Variants in PLAAT1 observed in about 807,000 individuals in gnomAD.
PLAAT1 encodes the protein phospholipase A and acyltransferase 1, also known as H-REV107 protein-related protein.
Under a neutral mutation model 16.4 loss-of-function variants are expected in PLAAT1, and 13 were observed. The observed-to-expected ratio is 0.79, with a 90% CI of 0.52 to 1.26. The LOEUF (loss-of-function observed/expected upper bound fraction) is 1.26. Ranked by LOEUF, PLAAT1 falls within the 50% of genes most tolerant of loss-of-function variation. The pLI is 0.00. For missense variants in PLAAT1, 218 were observed against 207.8 expected, an observed-to-expected ratio of 1.05 and a Z score of -0.30; for synonymous variants, 73 against 78.4, an observed-to-expected ratio of 0.93 and a Z score of 0.36.
chr3:193,243,425 A>C (rs565927967), intron 1 of PLAAT1, among the ~76,000 whole-genome samples: 1 of 152,344 alleles, frequency 6.6e-6, no homozygotes, highest in East Asian at 1.9e-4. Flanking sequence ...AAACTCCGCA[A>C]CTGGAAAGGT....
At chr3:193,269,788 A>G (rs532139174) in intron 3 of PLAAT1, among the ~76,000 whole-genome samples, 16 of 152,326 alleles carry the variant, frequency 1.1e-4, no homozygotes, top group African/African-American at 3.8e-4. Context: ...GGAAGGCAAT[A>G]TTAGTTGAGT....
intron 2 of PLAAT1, 61 bp downstream of exon 2, chr3:193,255,850 A>AT: frequency 7.3e-7 from 1 of 1,367,754 alleles, no homozygotes; most frequent in Non-Finnish European, 9.8e-7. Context: ...TACAGGAAGT[A>AT]ATCATGGGTG....
At chr3:193,276,031 T>A (rs183786126) in intron 2 of PLAAT1, among the ~76,000 whole-genome samples, 2 of 152,206 alleles carry the variant, frequency 1.3e-5, no homozygotes, top group African/African-American at 4.8e-5. Flanking sequence ...GTAGATAATA[T>A]TATGATAAGT....
chr3:193,251,380 G>A (rs893198438), intron 1 of PLAAT1, among the ~76,000 whole-genome samples: 6 of 152,124 alleles, frequency 3.9e-5, no homozygotes, highest in Admixed American at 6.6e-5. Flanking sequence ...CCCAGATACC[G>A]GTGTATTACA....
downstream of PLAAT1, among the ~76,000 whole-genome samples, chr3:193,274,288 G>T (rs919925460): frequency 1.3e-5 from 2 of 152,132 alleles, no homozygotes; most frequent in Non-Finnish European, 2.9e-5. Flanking sequence ...AGCAGTAAAT[G>T]TTGCTATGCT....
downstream of PLAAT1, among the ~76,000 whole-genome samples, chr3:193,273,667 A>G (rs1717061209): frequency 1.3e-5 from 2 of 152,214 alleles, no homozygotes; most frequent in Admixed American, 6.5e-5. Context: ...AGGAAAGACC[A>G]GTAGGTAATT....
At chr3:193,255,008 T>A (rs1716321133) in intron 1 of PLAAT1, among the ~76,000 whole-genome samples, 1 of 152,168 alleles carries the variant, frequency 6.6e-6, no homozygotes, top group Non-Finnish European at 1.5e-5. Flanking sequence ...TTTTGTAATA[T>A]ATGGCATTTT....
In PLAAT1 at chr3:193,258,848, C is replaced by T. The variant is rs183206476; in HGVS notation, c.139+3059C>T. On this transcript the variant is annotated intron_variant, in intron 2 of 3. Transcript: ENST00000264735. ...AGGTGTACAAAGAACTGGTACCAAT[C>T]CTACTGAAACTACTCCAAAAACCCC... is the stretch of plus-strand genomic sequence containing the variant. Among the ~76,000 whole-genome samples, 279 of 152,198 alleles carry T rather than the reference C, an allele frequency of 1.8e-3. 1 individual carries two copies. Among genetic ancestry groups the T allele is most frequent in the Middle Eastern group, 0.014 (4 of 292 alleles).
intron 3 of PLAAT1, among the ~76,000 whole-genome samples, chr3:193,266,830 TCA>T (rs879632968): frequency 0.011 from 1,719 of 152,282 alleles, 12 homozygotes; most frequent in Non-Finnish European, 0.018. Context: ...TATATTACTA[TCA>T]ATAACTAATA....
chr3:193,269,155 T>C (rs961779515), intron 3 of PLAAT1, among the ~76,000 whole-genome samples: 4 of 152,148 alleles, frequency 2.6e-5, no homozygotes, highest in Admixed American at 2.0e-4. Context: ...CAATATGGCA[T>C]ATGGGTGGCT....
chr3:193,276,423 G>A (rs1290947960), intron 2 of PLAAT1, among the ~76,000 whole-genome samples: 1 of 152,168 alleles, frequency 6.6e-6, no homozygotes, highest in Non-Finnish European at 1.5e-5. Flanking sequence ...GGGTTTTAGG[G>A]TTGGAAGGTC....
In PLAAT1 at chr3:193,241,536, G is replaced by A. The variant is rs1715747056; in HGVS notation, c.-1+3G>A. On this transcript the variant is annotated splice_donor_region_variant and intron_variant, in intron 1 of 3. Coordinates refer to ENST00000264735, the MANE Select transcript of PLAAT1 (RefSeq NM_020386.5). ...GAAGACCCCGGCTTGAGAGTGAGGTGTGCTGGGCGGAGTGGGGGAGGACCT... is the reference window on the plus strand; with the variant it reads ...GAAGACCCCGGCTTGAGAGTGAGGTATGCTGGGCGGAGTGGGGGAGGACCT... 8.1e-7 allele frequency: 1 copy of A among 1,231,962 alleles called. No individual in the cohort carries two copies. Among genetic ancestry groups the A allele is most frequent in the Non-Finnish European group, 1.0e-6 (1 of 988,196 alleles). The allele number at this position is 1,231,962 out of a possible 1,614,324, so 76.3% of individuals were successfully genotyped here.
At chr3:193,274,805 T>A, downstream of PLAAT1, 1 of 578,006 alleles carries the variant, frequency 1.7e-6, no homozygotes, top group Non-Finnish European at 3.0e-6. Flanking sequence ...GCAAAATGAA[T>A]ACAGTTTATT....
chr3:193,275,011 T>C (rs1717119046), downstream of PLAAT1: 1 of 1,610,490 alleles, frequency 6.2e-7, no homozygotes, highest in South Asian at 1.1e-5. Flanking sequence ...AAAAAAGCAA[T>C]GCTGTTGAGC....
At chr3:193,257,073 C>T (rs6799059) in intron 2 of PLAAT1, among the ~76,000 whole-genome samples, 137,639 of 152,186 alleles carry the variant, frequency 0.9, 62,474 homozygotes, top group East Asian at 0.98. Flanking sequence ...GTCTTCATTT[C>T]CCCGGACTAT....
rs145560718 is a variant in PLAAT1, at chr3:193,246,654, G to A, written c.-1+5121G>A. ...TGGGATTACAAGCATGAGCCACAGT[G>A]CCTGGCCCATATTTATTGATTTATA... On this transcript the variant is annotated intron_variant, in intron 1 of 3. Transcript: ENST00000264735. Among the ~76,000 whole-genome samples, 23 of 152,322 alleles carry A rather than the reference G, an allele frequency of 1.5e-4. No individual in the cohort carries two copies. In the East Asian group the frequency reaches 4.4e-3, roughly 29 times the overall value.
chr3:193,277,691 G>A (rs1396892533), exon 3 of PLAAT1: 1 of 152,204 alleles, frequency 6.6e-6, no homozygotes, highest in East Asian at 1.9e-4. Context: ...GGGTTGTTTG[G>A]ATTAAAGGGT....
In PLAAT1 at chr3:193,241,371, C is replaced by G. The variant is rs1315676541; in HGVS notation, c.-163C>G. ...GCTGGCGTTGGCCCTGGAGGACGGCCCCGAGTGATGGCTGGCGCCTGCCTC... is the reference window on the plus strand; with the variant it reads ...GCTGGCGTTGGCCCTGGAGGACGGCGCCGAGTGATGGCTGGCGCCTGCCTC... On this transcript the variant is annotated 5_prime_UTR_variant, in exon 1 of 4. Transcript: ENST00000264735. The G allele has an allele frequency of 8.1e-7, 1 of 1,231,554 alleles. No individual in the cohort carries two copies. The highest frequency in any genetic ancestry group is 1.0e-6 in the Non-Finnish European group (1 of 987,970). 76.3% of individuals were successfully genotyped at this position (1,231,554 alleles called of 1,614,324 possible). A position where few individuals can be genotyped will look rare whatever the true frequency, so the allele number is the denominator to read the frequency against.
intron 2 of PLAAT1, chr3:193,276,908 ATAG>A (rs1717243052): frequency 1.3e-5 from 14 of 1,079,010 alleles, no homozygotes; most frequent in Non-Finnish European, 1.9e-5. Flanking sequence ...TATTTAATTT[ATAG>A]ATTTGTAATA....
Sources: gnomAD v4.1 joint callset for allele counts (sites outside exome capture counted in the v4.1 genomes callset) on GRCh38, gnomAD v4.1.1 for gene constraint, MANE v1.5 for transcripts, NCBI Gene and HGNC (gene_info 2026-07-23, HGNC 2026-07-21) for gene names.